FHIT: variants seen among roughly 807,000 people sequenced by gnomAD.
FHIT encodes the protein bis(5'-adenosyl)-triphosphatase.
In FHIT, 19 loss-of-function variants were observed where a neutral mutation model predicts 17.9. The observed-to-expected ratio is 1.06, with a 90% CI of 0.74 to 1.56. The LOEUF (loss-of-function observed/expected upper bound fraction) is 1.56. FHIT is among the 40% of genes most tolerant of loss of function. The pLI, the probability that FHIT is intolerant of heterozygous loss-of-function variation, is 0.00. For synonymous variants in FHIT, 81 were observed against 69.7 expected, an observed-to-expected ratio of 1.16 and a Z score of -0.81; for missense variants, 248 against 189.2, an observed-to-expected ratio of 1.31 and a Z score of -1.82.
chr3:60,999,175 T>C (rs1298203043), intron 3 of FHIT, among the ~76,000 whole-genome samples: 2 of 152,140 alleles, frequency 1.3e-5, no homozygotes, highest in African/African-American at 4.8e-5. Flanking sequence ...GAGAGCCACA[T>C]GGAGAATACA....
chr3:61,133,438 A>G (rs2036822629), intron 2 of FHIT, among the ~76,000 whole-genome samples: 1 of 152,216 alleles, frequency 6.6e-6, no homozygotes, highest in Non-Finnish European at 1.5e-5. Context: ...CCCATTAACT[A>G]AGACAGAACA....
intron 5 of FHIT, among the ~76,000 whole-genome samples, chr3:60,102,165 G>A (rs559830820): frequency 1.8e-4 from 27 of 152,282 alleles, no homozygotes; most frequent in African/African-American, 6.5e-4. Flanking sequence ...ATAAGTGTTA[G>A]GCAAATGAGT....
At chr3:59,878,905 C>T (rs1310342418) in intron 8 of FHIT, among the ~76,000 whole-genome samples, 1 of 152,124 alleles carries the variant, frequency 6.6e-6, no homozygotes, top group East Asian at 1.9e-4. Flanking sequence ...TTTTACTCCC[C>T]TTGTTCATAT....
intron 3 of FHIT, among the ~76,000 whole-genome samples, chr3:60,868,784 A>T (rs1030483371): frequency 1.6e-4 from 24 of 152,154 alleles, no homozygotes; most frequent in African/African-American, 4.1e-4. Flanking sequence ...TTATTCTCAA[A>T]GCGAAGCTCC....
intron 3 of FHIT, among the ~76,000 whole-genome samples, chr3:61,025,769 A>C (rs2107656094): frequency 6.6e-6 from 1 of 152,308 alleles, no homozygotes; most frequent in South Asian, 2.1e-4. Context: ...TGTGAGGGAA[A>C]AACTGGAATA....
chr3:60,319,780 A>C (rs920080227), intron 5 of FHIT, among the ~76,000 whole-genome samples: 1 of 152,138 alleles, frequency 6.6e-6, no homozygotes. Context: ...CACTGTAATT[A>C]CCATAGTTCG....
chr3:59,790,879 A>G (rs1449389943), intron 8 of FHIT, among the ~76,000 whole-genome samples: 1 of 152,054 alleles, frequency 6.6e-6, no homozygotes. Context: ...GAATGAATGA[A>G]TATTATTTTC....
intron 7 of FHIT, among the ~76,000 whole-genome samples, chr3:59,945,802 C>T (rs972338160): frequency 1.3e-5 from 2 of 151,914 alleles, no homozygotes; most frequent in Non-Finnish European, 2.9e-5. Flanking sequence ...AGTCCTTTCC[C>T]CTTTTGGTCA....
chr3:60,421,624 TATG>T (rs764756991), intron 5 of FHIT, among the ~76,000 whole-genome samples: 7 of 152,268 alleles, frequency 4.6e-5, no homozygotes, highest in South Asian at 2.1e-4. Context: ...ATAGAAGTAT[TATG>T]ATATTTATTA....
chr3:59,772,935 T>G (rs1398653066), intron 8 of FHIT, among the ~76,000 whole-genome samples: 1 of 152,236 alleles, frequency 6.6e-6, no homozygotes. Context: ...TTACTTTGAC[T>G]GCCACAACGA....
intron 4 of FHIT, among the ~76,000 whole-genome samples, chr3:60,627,855 T>G (rs1421145303): frequency 6.6e-6 from 1 of 152,214 alleles, no homozygotes; most frequent in Non-Finnish European, 1.5e-5. Flanking sequence ...TTTAATAATT[T>G]GAGTCTTCTT....
chr3:60,580,985 G>T (rs1164761431), intron 4 of FHIT, among the ~76,000 whole-genome samples: 1 of 151,998 alleles, frequency 6.6e-6, no homozygotes, highest in Non-Finnish European at 1.5e-5. Context: ...ATTAAGTCTG[G>T]GGCGGTGGCT....
At chr3:61,220,032 C>T (rs1576249268) in intron 1 of FHIT, among the ~76,000 whole-genome samples, 1 of 151,516 alleles carries the variant, frequency 6.6e-6, no homozygotes, top group South Asian at 2.1e-4. Context: ...ACTTAACTGC[C>T]ACGTTAAGGA....
intron 5 of FHIT, among the ~76,000 whole-genome samples, chr3:60,067,363 C>T (rs1702562482): frequency 2.6e-5 from 4 of 152,084 alleles, no homozygotes; most frequent in African/African-American, 9.7e-5. Flanking sequence ...AATAAGCACA[C>T]ATACACAGCA....
intron 5 of FHIT, among the ~76,000 whole-genome samples, chr3:60,069,068 A>G (rs1025047972): frequency 2.0e-5 from 3 of 152,176 alleles, no homozygotes; most frequent in African/African-American, 7.2e-5. Context: ...ACTCTGAAAG[A>G]CAAAAAGGTA....
intron 1 of FHIT, among the ~76,000 whole-genome samples, chr3:61,242,383 G>GT (rs1298089049): frequency 1.3e-5 from 2 of 151,874 alleles, no homozygotes; most frequent in Non-Finnish European, 2.9e-5. Flanking sequence ...ATAAATAAAG[G>GT]TTTTCCCCTT....
At chr3:60,535,574 C>A (rs1265078072) in intron 5 of FHIT, among the ~76,000 whole-genome samples, 1 of 147,366 alleles carries the variant, frequency 6.8e-6, no homozygotes, top group African/African-American at 2.5e-5. Flanking sequence ...TAGGGCTTTT[C>A]TAAATCATTC....
At chr3:60,690,595 C>T (rs1176902956) in intron 4 of FHIT, 2 of 536,742 alleles carry the variant, frequency 3.7e-6, no homozygotes, top group African/African-American at 1.9e-5. Context: ...TCCTTTTTCT[C>T]CAGTGCTCAG....
chr3:60,422,577 C>T (rs12632676), intron 5 of FHIT, among the ~76,000 whole-genome samples: 1 of 151,908 alleles, frequency 6.6e-6, no homozygotes, highest in African/African-American at 2.4e-5. Context: ...TACATAAACT[C>T]AAGGGTAACT....
Sources: gnomAD v4.1 joint callset for allele counts (sites outside exome capture counted in the v4.1 genomes callset) on GRCh38, gnomAD v4.1.1 for gene constraint, MANE v1.5 for transcripts, NCBI Gene and HGNC (gene_info 2026-07-23, HGNC 2026-07-21) for gene names.